LSAMP: variants seen among roughly 807,000 people sequenced by gnomAD.
LSAMP encodes the protein limbic system-associated membrane protein.
A neutral mutation model predicts 38.6 loss-of-function variants in LSAMP; 7 were observed. The ratio of observed to expected loss-of-function variants is 0.18; its 90% CI spans 0.10 to 0.34. The LOEUF is 0.34. Among genes scored for constraint, LSAMP ranks in the 10% least tolerant of loss-of-function variants. The probability of loss-of-function intolerance (pLI) is 1.00; values close to 1 mark genes in which losing one functional copy is unlikely to be tolerated. For missense variants in LSAMP, 313 were observed against 420.0 expected, an observed-to-expected ratio of 0.75 and a Z score of 2.23; for synonymous variants, 154 against 166.8, an observed-to-expected ratio of 0.92 and a Z score of 0.59.
intron 1 of LSAMP, among the ~76,000 whole-genome samples, chr3:116,167,450 T>A (rs1710087628): frequency 6.6e-6 from 1 of 152,318 alleles, no homozygotes; most frequent in Non-Finnish European, 1.5e-5. Context: ...GTAAACACAA[T>A]GAAGTTGAAT....
chr3:115,896,778 C>T (rs912418531), intron 3 of LSAMP, among the ~76,000 whole-genome samples: 29 of 152,076 alleles, frequency 1.9e-4, no homozygotes, highest in East Asian at 3.9e-4. Context: ...ACATGTGGTC[C>T]GCACATTGTT....
At position 116,149,697 on chromosome 3, in the gene LSAMP, C is replaced by A. The variant is rs568677089; in HGVS notation, c.156-63141G>T. 2.0e-5 allele frequency among the ~76,000 whole-genome samples: 3 copies of A among 152,076 alleles called. No homozygotes were observed. In the South Asian group the frequency reaches 6.2e-4, roughly 32 times the overall value. Reference sequence around the variant, plus strand: ...CTATTACAGACAGCATTCAATGGTTCATTTATCTGAATATGTACTGTTACT... The same window carrying A: ...CTATTACAGACAGCATTCAATGGTTAATTTATCTGAATATGTACTGTTACT... On this transcript the variant is annotated intron_variant, in intron 1 of 6. Coordinates refer to ENST00000490035, the MANE Select transcript of LSAMP (RefSeq NM_002338.5).
chr3:116,294,994 A>G (rs1044792188), intron 1 of LSAMP, among the ~76,000 whole-genome samples: 1 of 152,246 alleles, frequency 6.6e-6, no homozygotes, highest in African/African-American at 2.4e-5. Flanking sequence ...TCAAGAGAGC[A>G]GGAAATAAAA....
chr3:115,979,764 A>C (rs1053353888), intron 3 of LSAMP, among the ~76,000 whole-genome samples: 1 of 152,192 alleles, frequency 6.6e-6, no homozygotes, highest in Non-Finnish European at 1.5e-5. Flanking sequence ...TCTCCTCTGA[A>C]TAAAGAACAG....
At position 115,985,756 on chromosome 3, in the gene LSAMP, C is replaced by T. The variant is rs368867820; in HGVS notation, c.514+33759G>A. On this transcript the variant is annotated intron_variant, in intron 3 of 6. Coordinates refer to ENST00000490035, the MANE Select transcript of LSAMP (RefSeq NM_002338.5). ...CCCACATGGTGAGGAACTGAAGACC[C>T]TTGCCAACATCTACAACCATGTAGG... 3.3e-5 allele frequency among the ~76,000 whole-genome samples: 5 copies of T among 152,292 alleles called. No individual in the cohort carries two copies. In the East Asian group the frequency reaches 9.6e-4, roughly 29 times the overall value.
intron 3 of LSAMP, among the ~76,000 whole-genome samples, chr3:115,936,859 GT>G (rs919227649): frequency 2.0e-5 from 3 of 152,108 alleles, no homozygotes; most frequent in Non-Finnish European, 4.4e-5. Context: ...ACTCTAGGAA[GT>G]TTGGGGAAAT....
chr3:115,857,419 G>T (rs1433105650), intron 3 of LSAMP, among the ~76,000 whole-genome samples: 1 of 152,184 alleles, frequency 6.6e-6, no homozygotes, highest in Non-Finnish European at 1.5e-5. Flanking sequence ...TCTCAGGCCA[G>T]AAATGGACAC....
intron 1 of LSAMP, among the ~76,000 whole-genome samples, chr3:116,430,685 A>G (rs1441235563): frequency 6.6e-6 from 1 of 152,144 alleles, no homozygotes; most frequent in East Asian, 1.9e-4. Context: ...TAATATCATT[A>G]TTATAATTTT....
chr3:116,313,684 T>A (rs1487483565), intron 1 of LSAMP, among the ~76,000 whole-genome samples: 1 of 152,210 alleles, frequency 6.6e-6, no homozygotes, highest in East Asian at 1.9e-4. Flanking sequence ...TCAGGCACAG[T>A]GGCCCACACC....
intron 1 of LSAMP, among the ~76,000 whole-genome samples, chr3:116,263,132 G>A (rs544476085): frequency 6.6e-6 from 1 of 152,274 alleles, no homozygotes; most frequent in African/African-American, 2.4e-5. Flanking sequence ...GGGACCACTT[G>A]TTTAATTTAC....
chr3:116,090,275 T>C (rs934227785), intron 1 of LSAMP, among the ~76,000 whole-genome samples: 1 of 152,064 alleles, frequency 6.6e-6, no homozygotes, highest in Non-Finnish European at 1.5e-5. Context: ...TAGTTTCAAT[T>C]TGTAGAGGTC....
intron 1 of LSAMP, among the ~76,000 whole-genome samples, chr3:116,116,085 CTATAA>C (rs1708737892): frequency 6.8e-6 from 1 of 148,148 alleles, no homozygotes; most frequent in South Asian, 2.1e-4. Context: ...TGGACTGGTC[CTATAA>C]TATATTTTTT....
At chr3:116,380,179 T>A (rs2048538907) in intron 1 of LSAMP, among the ~76,000 whole-genome samples, 1 of 151,870 alleles carries the variant, frequency 6.6e-6, no homozygotes, top group African/African-American at 2.4e-5. Flanking sequence ...CATGTACCTC[T>A]TGGGTTGCTA....
chr3:115,900,431 T>C (rs915655619), intron 3 of LSAMP, among the ~76,000 whole-genome samples: 1 of 146,698 alleles, frequency 6.8e-6, no homozygotes, highest in Admixed American at 7.0e-5. Flanking sequence ...CAGGAGAAAC[T>C]CTTGAACCCA....
intron 1 of LSAMP, among the ~76,000 whole-genome samples, chr3:116,304,496 A>G (rs527667648): frequency 6.6e-6 from 1 of 152,270 alleles, no homozygotes; most frequent in South Asian, 2.1e-4. Flanking sequence ...AGTTCAAAGT[A>G]TGAAGGATGA....
intron 3 of LSAMP, among the ~76,000 whole-genome samples, chr3:115,987,737 T>C (rs1429224492): frequency 1.3e-5 from 2 of 152,192 alleles, no homozygotes; most frequent in Non-Finnish European, 2.9e-5. Flanking sequence ...TTATTGTATA[T>C]ACTGAATTCT....
intron 1 of LSAMP, among the ~76,000 whole-genome samples, chr3:116,316,595 AC>A (rs1213637718): frequency 1.3e-5 from 2 of 151,538 alleles, no homozygotes; most frequent in South Asian, 2.1e-4. Context: ...ACATTATGAA[AC>A]CCCGTCTCTA....
chr3:116,227,760 A>G (rs953217546), intron 1 of LSAMP, among the ~76,000 whole-genome samples: 13 of 152,140 alleles, frequency 8.5e-5, no homozygotes, highest in African/African-American at 3.1e-4. Flanking sequence ...TTATTAAATA[A>G]TAAACAGAAG....
chr3:116,341,360 G>A (rs1300581179), intron 1 of LSAMP, among the ~76,000 whole-genome samples: 1 of 151,824 alleles, frequency 6.6e-6, no homozygotes, highest in Non-Finnish European at 1.5e-5. Flanking sequence ...CTGGAAGAAG[G>A]ATTATTTTCA....
Sources: allele counts gnomAD v4.1 joint callset (sites outside exome capture counted in the v4.1 genomes callset), GRCh38; gene constraint gnomAD v4.1.1; transcripts MANE v1.5; gene names NCBI Gene and HGNC (gene_info 2026-07-23, HGNC 2026-07-21).